Variants in PARVA observed in about 807,000 individuals in gnomAD.
The protein encoded by PARVA is alpha-parvin.
PARVA carries 25 observed loss-of-function variants against 52.6 expected under a neutral mutation model. That is an observed-to-expected ratio of 0.48 (90% CI 0.35 to 0.66). The LOEUF (loss-of-function observed/expected upper bound fraction) is 0.66, where lower values mean the gene tolerates loss of function less well. PARVA is among the 30% of genes least tolerant of loss of function. The pLI is 0.01. For missense variants in PARVA, 373 were observed against 450.9 expected, an observed-to-expected ratio of 0.83 and a Z score of 1.56; for synonymous variants, 185 against 179.1, an observed-to-expected ratio of 1.03 and a Z score of -0.26.
At chr11:12,420,672 A>C (rs1053036773) in intron 1 of PARVA, among the ~76,000 whole-genome samples, 1 of 152,214 alleles carries the variant, frequency 6.6e-6, no homozygotes, top group African/African-American at 2.4e-5. Context: ...ATAATAGCTA[A>C]CATTTATTGA....
At chr11:12,382,495 A>G (rs779198783) in intron 1 of PARVA, among the ~76,000 whole-genome samples, 81 of 152,194 alleles carry the variant, frequency 5.3e-4, no homozygotes, top group Non-Finnish European at 8.7e-4. Context: ...TTTGCATATA[A>G]GTGGACCCTC....
chr11:12,471,748 C>T (rs1331791193), intron 1 of PARVA, among the ~76,000 whole-genome samples: 1 of 152,202 alleles, frequency 6.6e-6, no homozygotes, highest in African/African-American at 2.4e-5. Context: ...GTGGTTGGTG[C>T]AGCTACGGAG....
At chr11:12,504,774 G>GTGTGTGTGT (rs1941413270) in intron 6 of PARVA, among the ~76,000 whole-genome samples, 28 of 149,346 alleles carry the variant, frequency 1.9e-4, no homozygotes, top group South Asian at 1.7e-3. Flanking sequence ...AAGGTATGTG[G>GTGTGTGTGT]GTGTGTGTGT....
In PARVA at chr11:12,513,356, A is replaced by T. The variant is rs1191282183; in HGVS notation, c.794A>T (p.Lys265Ile). Residue 265 changes from lysine to isoleucine, a missense_variant, in exon 9 of 13, where the codon AAA becomes ATA. Lys to Ile is a moderately radical substitution (Grantham distance 102). Transcript: ENST00000334956. ...GCCCCAGACAAGCTGAATGTGGTGA[A>T]AAAGGTGGGAAAGGGGTGCCTGGGA... is the stretch of plus-strand genomic sequence containing the variant. ...DHAPDKLNVV[K>I]KTLITFVNKH... 2.5e-6 allele frequency: 4 copies of T among 1,613,748 alleles called. No homozygotes were observed.
Position 12,533,176 on chromosome 11 carries a change from A to G in PARVA, c.*5251A>G, listed in dbSNP as rs779628716. Among the ~76,000 whole-genome samples the G allele has an allele frequency of 5.3e-5, 8 of 152,168 alleles. No homozygotes were observed. Among genetic ancestry groups the G allele is most frequent in the Non-Finnish European group, 8.8e-5 (6 of 68,022 alleles). ...CCTCTCCACAATGTGTCCTGAGAAG[A>G]GCTAGGGGAACTGGACAGAGTGGAC... is the stretch of plus-strand genomic sequence containing the variant. On this transcript the variant is annotated 3_prime_UTR_variant, in exon 13 of 13. Transcript: ENST00000334956.
chr11:12,506,935 T>C (rs1301295822), intron 6 of PARVA, among the ~76,000 whole-genome samples: 1 of 152,222 alleles, frequency 6.6e-6, no homozygotes, highest in African/African-American at 2.4e-5. Flanking sequence ...TTTACGTCTA[T>C]GAATGGCCAT....
intron 1 of PARVA, among the ~76,000 whole-genome samples, chr11:12,464,029 C>A (rs1940820518): frequency 7.5e-6 from 1 of 133,042 alleles, no homozygotes; most frequent in Admixed American, 8.3e-5. Flanking sequence ...CCAAGCTTAT[C>A]TCATATATTT....
In PARVA at chr11:12,533,050, G is replaced by A. The variant is rs1383060123; in HGVS notation, c.*5125G>A. 6.6e-6 allele frequency among the ~76,000 whole-genome samples: 1 copy of A among 152,186 alleles called. No homozygotes were observed. Among genetic ancestry groups the A allele is most frequent in the Non-Finnish European group, 1.5e-5 (1 of 68,050 alleles). On this transcript the variant is annotated 3_prime_UTR_variant, in exon 13 of 13. Coordinates refer to ENST00000334956, the MANE Select transcript of PARVA (RefSeq NM_018222.5). ...GACCAGGAGAGGAGATCAGACCTCT[G>A]CCCACCCCAACACCAATCTGGTCTT... is the stretch of plus-strand genomic sequence containing the variant.
chr11:12,432,318 G>C (rs1244919353), intron 1 of PARVA, among the ~76,000 whole-genome samples: 4 of 152,220 alleles, frequency 2.6e-5, no homozygotes, highest in African/African-American at 7.2e-5. Context: ...GTTTAGGACA[G>C]TAGTATCTTT....
chr11:12,473,888 C>T (rs1400227723), intron 2 of PARVA, 25 bp from the exon 3 acceptor site: 1 of 1,564,882 alleles, frequency 6.4e-7, no homozygotes, highest in Non-Finnish European at 8.7e-7. Context: ...CCAGCACCCC[C>T]ACTGAATTCC....
intron 1 of PARVA, 105 bp from the exon 2 acceptor site, chr11:12,473,640 A>T: frequency 1.2e-6 from 1 of 807,562 alleles, no homozygotes; most frequent in Non-Finnish European, 2.1e-6. Context: ...ATCTACCCTT[A>T]GTGGGTTTTT....
chr11:12,481,795 A>G (rs951775871), intron 4 of PARVA, among the ~76,000 whole-genome samples: 2 of 152,092 alleles, frequency 1.3e-5, no homozygotes, highest in Non-Finnish European at 2.9e-5. Context: ...TAAAGTAACT[A>G]TGAAACACTA....
upstream of PARVA, chr11:12,377,238 C>A (rs906778068): frequency 1.1e-5 from 4 of 374,382 alleles, no homozygotes; most frequent in Non-Finnish European, 1.9e-5. Context: ...CTGGAAGACC[C>A]CGGGAGAGTA....
chr11:12,513,132 T>C (rs770466850), intron 8 of PARVA, 167 bp from the exon 9 acceptor site: 7 of 731,076 alleles, frequency 9.6e-6, no homozygotes, highest in Non-Finnish European at 1.8e-5. Flanking sequence ...CCCCAAATCT[T>C]AGCCCCAAAT....
At chr11:12,509,771 G>C (rs1941483834) in intron 7 of PARVA, among the ~76,000 whole-genome samples, 1 of 152,174 alleles carries the variant, frequency 6.6e-6, no homozygotes, top group Non-Finnish European at 1.5e-5. Flanking sequence ...GGTAGCTGAA[G>C]GGTCAACTGA....
chr11:12,452,521 C>G (rs2135015502), intron 1 of PARVA, among the ~76,000 whole-genome samples: 1 of 152,320 alleles, frequency 6.6e-6, no homozygotes, highest in Admixed American at 6.5e-5. Context: ...GGTCACCCAG[C>G]TATACCCACA....
At chr11:12,482,110 C>T (rs1242415515) in intron 4 of PARVA, among the ~76,000 whole-genome samples, 1 of 147,384 alleles carries the variant, frequency 6.8e-6, no homozygotes, top group African/African-American at 2.5e-5. Flanking sequence ...AAGCCGAGAT[C>T]GTGCCATTGC....
chr11:12,503,819 G>A (rs1256255673), intron 5 of PARVA, among the ~76,000 whole-genome samples: 1 of 152,170 alleles, frequency 6.6e-6, no homozygotes, highest in East Asian at 1.9e-4. Context: ...GGTATAAAGG[G>A]ACATTGGGTG....
chr11:12,466,070 G>A (rs4356208), intron 1 of PARVA, among the ~76,000 whole-genome samples: 57,469 of 151,940 alleles, frequency 0.38, 11,944 homozygotes, highest in East Asian at 0.62. Context: ...TCTCATTGGT[G>A]TTTTGTCATT....
Sources: gnomAD v4.1 joint callset for allele counts (sites outside exome capture counted in the v4.1 genomes callset) on GRCh38, gnomAD v4.1.1 for gene constraint, MANE v1.5 for transcripts, NCBI Gene and HGNC (gene_info 2026-07-23, HGNC 2026-07-21) for gene names.